Variants in ASTN2 observed in about 807,000 individuals in gnomAD.
ASTN2 encodes astrotactin-2.
A neutral mutation model predicts 139.8 loss-of-function variants in ASTN2; 54 were observed. The ratio of observed to expected loss-of-function variants is 0.39; its 90% CI spans 0.31 to 0.48. The LOEUF is 0.48. ASTN2 is among the 20% of genes least tolerant of loss of function. The pLI is 0.95. For synonymous variants in ASTN2, 756 were observed against 719.5 expected (o/e 1.05, Z -0.81); for missense variants, 1,565 against 1,725.1 (o/e 0.91, Z 1.64).
intron 3 of ASTN2, among the ~76,000 whole-genome samples, chr9:117,156,440 ACTGT>A (rs918610947): frequency 1.3e-5 from 2 of 151,982 alleles, no homozygotes; most frequent in African/African-American, 4.8e-5. Flanking sequence ...TGCTGTGGAA[ACTGT>A]CTGATGCATT....
At chr9:116,983,958 G>C (rs1322783048) in intron 7 of ASTN2, among the ~76,000 whole-genome samples, 1 of 152,206 alleles carries the variant, frequency 6.6e-6, no homozygotes, top group East Asian at 1.9e-4. Flanking sequence ...CTTACTTATA[G>C]TTGTGGACAA....
chr9:116,833,829 G>T (rs983553768), intron 11 of ASTN2, among the ~76,000 whole-genome samples: 9 of 152,158 alleles, frequency 5.9e-5, no homozygotes, highest in African/African-American at 2.2e-4. Flanking sequence ...CGCAGTTGAA[G>T]CCTTGGGGAC....
At chr9:116,558,764 C>T (rs1852759186) in intron 19 of ASTN2, among the ~76,000 whole-genome samples, 1 of 152,184 alleles carries the variant, frequency 6.6e-6, no homozygotes, top group Non-Finnish European at 1.5e-5. Context: ...CAGTGAGACA[C>T]AGAAGAAAAA....
chr9:117,077,942 G>C (rs1319197574), intron 5 of ASTN2, among the ~76,000 whole-genome samples: 1 of 152,158 alleles, frequency 6.6e-6, no homozygotes, highest in Non-Finnish European at 1.5e-5. Context: ...ACTCACTGTG[G>C]AAGCAGACAA....
chr9:117,025,205 A>C (rs1401438311), intron 6 of ASTN2, among the ~76,000 whole-genome samples: 1 of 152,156 alleles, frequency 6.6e-6, no homozygotes, highest in Admixed American at 6.5e-5. Context: ...TAGCTATTTC[A>C]TTTGGCCTGA....
At chr9:117,031,134 G>C (rs923110033) in intron 6 of ASTN2, among the ~76,000 whole-genome samples, 1 of 152,134 alleles carries the variant, frequency 6.6e-6, no homozygotes, top group Non-Finnish European at 1.5e-5. Flanking sequence ...GTGTTGAGGA[G>C]GGGTGTGTGA....
chr9:116,801,103 G>C (rs1371628911), intron 13 of ASTN2, among the ~76,000 whole-genome samples: 1 of 152,168 alleles, frequency 6.6e-6, no homozygotes, highest in Non-Finnish European at 1.5e-5. Flanking sequence ...GCTGGTGGCA[G>C]TACTTGCTGG....
chr9:116,894,157 T>C (rs1833829813), intron 10 of ASTN2, among the ~76,000 whole-genome samples: 1 of 152,178 alleles, frequency 6.6e-6, no homozygotes, highest in Admixed American at 6.5e-5. Context: ...AGACATTTAC[T>C]TGCCAGTTCC....
Position 116,955,077 on chromosome 9 carries a change from G to A in ASTN2, c.1889+20131C>T, listed in dbSNP as rs184239119. Reference sequence around the variant, plus strand: ...AAGATGACAGGGATGAGGACTCGAAGTCTGGTGTCAGATAGAGCTCTATTG... The same window carrying A: ...AAGATGACAGGGATGAGGACTCGAAATCTGGTGTCAGATAGAGCTCTATTG... On this transcript the variant is annotated intron_variant, in intron 10 of 22. Transcript: ENST00000313400. Among the ~76,000 whole-genome samples, 54 of 152,374 alleles carry A rather than the reference G, an allele frequency of 3.5e-4. No homozygotes were observed. The East Asian group carries it at 9.8e-3, about 28-fold the overall frequency.
chr9:116,766,387 C>T (rs967563593), intron 13 of ASTN2, among the ~76,000 whole-genome samples: 2 of 151,644 alleles, frequency 1.3e-5, no homozygotes, highest in African/African-American at 4.8e-5. Context: ...ACATACATGC[C>T]CTCACACAAT....
chr9:117,177,718 T>C (rs1265464177), intron 3 of ASTN2, among the ~76,000 whole-genome samples: 2 of 152,228 alleles, frequency 1.3e-5, no homozygotes, highest in Non-Finnish European at 2.9e-5. Context: ...ATAATTAACA[T>C]AGTAGGAGTG....
chr9:117,289,618 C>G (rs545808010), intron 2 of ASTN2, among the ~76,000 whole-genome samples: 1 of 152,278 alleles, frequency 6.6e-6, no homozygotes, highest in South Asian at 2.1e-4. Context: ...GTCTCACTCT[C>G]AAATGTTAAA....
chr9:117,315,795 G>A (rs1828124952), intron 1 of ASTN2, among the ~76,000 whole-genome samples: 1 of 152,118 alleles, frequency 6.6e-6, no homozygotes, highest in Admixed American at 6.6e-5. Context: ...AATTTAAAGT[G>A]GGAGCACTCC....
At chr9:116,691,217 C>T (rs925250996) in intron 16 of ASTN2, among the ~76,000 whole-genome samples, 6 of 152,070 alleles carry the variant, frequency 3.9e-5, no homozygotes, top group African/African-American at 1.4e-4. Flanking sequence ...CCTAGGATCT[C>T]CTTGATCCTT....
chr9:116,897,432 C>A (rs537285765), intron 10 of ASTN2, among the ~76,000 whole-genome samples: 1 of 152,318 alleles, frequency 6.6e-6, no homozygotes, highest in South Asian at 2.1e-4. Context: ...AACTGCTTCT[C>A]ACACAGATAA....
At chr9:116,721,092 A>G (rs1828461290) in intron 16 of ASTN2, among the ~76,000 whole-genome samples, 1 of 152,208 alleles carries the variant, frequency 6.6e-6, no homozygotes, top group Non-Finnish European at 1.5e-5. Context: ...CATGGGTTGG[A>G]TCAAGATAAT....
intron 13 of ASTN2, among the ~76,000 whole-genome samples, chr9:116,777,369 C>T (rs551500116): frequency 3.9e-5 from 6 of 152,240 alleles, no homozygotes; most frequent in South Asian, 2.1e-4. Flanking sequence ...CCATTATTCA[C>T]GGTCCTCGTA....
intron 10 of ASTN2, among the ~76,000 whole-genome samples, chr9:116,942,547 A>T (rs776401213): frequency 1.3e-5 from 2 of 152,130 alleles, no homozygotes; most frequent in Admixed American, 6.5e-5. Context: ...GTATTTTAGG[A>T]ATATGTGCCT....
chr9:116,695,871 A>G (rs567749286), intron 16 of ASTN2, among the ~76,000 whole-genome samples: 1 of 152,288 alleles, frequency 6.6e-6, no homozygotes, highest in African/African-American at 2.4e-5. Context: ...TAAGCCAGAA[A>G]TAAACTGTCT....
Sources: allele counts gnomAD v4.1 joint callset (sites outside exome capture counted in the v4.1 genomes callset), GRCh38; gene constraint gnomAD v4.1.1; transcripts MANE v1.5; gene names NCBI Gene and HGNC (gene_info 2026-07-23, HGNC 2026-07-21).